CRPPA: variants seen among roughly 807,000 people sequenced by gnomAD.
The protein encoded by CRPPA is D-ribitol-5-phosphate cytidylyltransferase.
CRPPA carries 43 observed loss-of-function variants against 52.0 expected under a neutral mutation model. That is an observed-to-expected ratio of 0.83 (90% CI 0.65 to 1.07). The LOEUF (loss-of-function observed/expected upper bound fraction) is 1.07, where lower values mean the gene tolerates loss of function less well. Ranked by LOEUF, CRPPA falls within the 50% of genes least tolerant of loss-of-function variation. The pLI is 0.00. For synonymous variants in CRPPA, 250 were observed against 203.5 expected (o/e 1.23, Z -1.94); for missense variants, 629 against 551.7 (o/e 1.14, Z -1.40).
At chr7:16,380,835 T>C (rs1787065851) in intron 2 of CRPPA, among the ~76,000 whole-genome samples, 7 of 152,212 alleles carry the variant, frequency 4.6e-5, no homozygotes. Context: ...TCAGTGGTGA[T>C]ATCCCCTTTA....
chr7:16,256,566 T>G (rs140549442), intron 8 of CRPPA, among the ~76,000 whole-genome samples: 5 of 152,108 alleles, frequency 3.3e-5, no homozygotes, highest in African/African-American at 9.7e-5. Context: ...ATACACACCA[T>G]GGAATACTAT....
chr7:16,205,886 T>C (rs1175143369), intron 9 of CRPPA, among the ~76,000 whole-genome samples: 1 of 151,522 alleles, frequency 6.6e-6, no homozygotes, highest in Non-Finnish European at 1.5e-5. Flanking sequence ...AATAAAGGGA[T>C]AAGAGAATTA....
At chr7:16,356,053 GAA>G (rs34122140) in intron 3 of CRPPA, among the ~76,000 whole-genome samples, 2 of 146,918 alleles carry the variant, frequency 1.4e-5, no homozygotes, top group East Asian at 4.0e-4. Context: ...AGTGGAACTG[GAA>G]AAAAAAAAAT....
At chr7:16,403,386 A>G (rs1787875191) in intron 2 of CRPPA, among the ~76,000 whole-genome samples, 1 of 152,112 alleles carries the variant, frequency 6.6e-6, no homozygotes. Flanking sequence ...TCTCTTTACC[A>G]GTTTAAGTTT....
Position 16,087,563 on chromosome 7 carries a change from G to A in CRPPA, c.*4132C>T, listed in dbSNP as rs369915144. On this transcript the variant is annotated 3_prime_UTR_variant, in exon 10 of 10. Transcript: ENST00000407010. ...CAATAATTTATTTACATTTTGTTTT[G>A]TAAAAACAACATATTTAGAATCTTT... 6.6e-6 allele frequency: 1 copy of A among 151,134 alleles called. No homozygotes were observed. The highest frequency in any genetic ancestry group is 1.5e-5 in the Non-Finnish European group (1 of 67,758). The allele number at this position is 151,134 out of a possible 1,614,324, so 9.4% of individuals were successfully genotyped here.
intron 9 of CRPPA, among the ~76,000 whole-genome samples, chr7:16,154,973 CTTTT>C (rs11363510): frequency 2.4e-5 from 3 of 127,008 alleles, no homozygotes; most frequent in Non-Finnish European, 3.3e-5. Flanking sequence ...CTAATTTTTT[CTTTT>C]TTTTTTTTTT....
chr7:16,174,525 T>A (rs2128386090), intron 9 of CRPPA, among the ~76,000 whole-genome samples: 1 of 152,230 alleles, frequency 6.6e-6, no homozygotes, highest in South Asian at 2.1e-4. Context: ...CCACTTCCAA[T>A]TAAAGAATAA....
In CRPPA at chr7:16,292,570, T is replaced by C. The variant is rs372626576; in HGVS notation, c.835+8851A>G. Among the ~76,000 whole-genome samples, 21 of 152,112 alleles carry C rather than the reference T, an allele frequency of 1.4e-4. No individual in the cohort carries two copies. The East Asian group carries it at 2.1e-3, about 15-fold the overall frequency. On this transcript the variant is annotated intron_variant, in intron 5 of 9. Coordinates refer to ENST00000407010, the MANE Select transcript of CRPPA (RefSeq NM_001101426.4). ...AATGTCAGAGTTTTGACTATATCCA[T>C]CCATCTGCCAGACTCCTTTTAAATT...
At chr7:16,200,930 G>C (rs1010882391) in intron 9 of CRPPA, among the ~76,000 whole-genome samples, 6 of 152,014 alleles carry the variant, frequency 3.9e-5, no homozygotes, top group African/African-American at 1.4e-4. Flanking sequence ...AATCCAAAAG[G>C]AGTCCTATTC....
intron 9 of CRPPA, among the ~76,000 whole-genome samples, chr7:16,169,596 GAA>G (rs1443791669): frequency 6.6e-6 from 1 of 152,136 alleles, no homozygotes; most frequent in Non-Finnish European, 1.5e-5. Context: ...TTAAATTCAA[GAA>G]AAAAATATAT....
At chr7:16,286,429 TTCTC>T (rs1331005421) in intron 5 of CRPPA, among the ~76,000 whole-genome samples, 1 of 151,998 alleles carries the variant, frequency 6.6e-6, no homozygotes, top group Non-Finnish European at 1.5e-5. Context: ...TCTTTGGTGT[TTCTC>T]TGTAGAACTT....
At chr7:16,405,999 C>T in intron 2 of CRPPA, 62 bp downstream of exon 2, 3 of 1,440,254 alleles carry the variant, frequency 2.1e-6, no homozygotes, top group Non-Finnish European at 2.8e-6. Flanking sequence ...AATCAAAATT[C>T]AGCAAATGAA....
At chr7:16,228,243 T>C (rs1782702012) in intron 8 of CRPPA, among the ~76,000 whole-genome samples, 1 of 151,892 alleles carries the variant, frequency 6.6e-6, no homozygotes, top group South Asian at 2.1e-4. Context: ...TTTCCAATTT[T>C]TTTAGCCCTT....
At chr7:16,397,129 A>G (rs1583576024) in intron 2 of CRPPA, among the ~76,000 whole-genome samples, 1 of 152,262 alleles carries the variant, frequency 6.6e-6, no homozygotes, top group East Asian at 1.9e-4. Context: ...ACAACTGACA[A>G]GTTAGAGATG....
intron 5 of CRPPA, among the ~76,000 whole-genome samples, chr7:16,282,147 C>T (rs1784334066): frequency 6.6e-6 from 1 of 152,004 alleles, no homozygotes; most frequent in Admixed American, 6.6e-5. Context: ...TGACTCTCTT[C>T]CTTTTTTCTA....
intron 6 of CRPPA, among the ~76,000 whole-genome samples, chr7:16,273,666 C>A (rs1163125515): frequency 1.3e-5 from 2 of 152,134 alleles, no homozygotes; most frequent in Non-Finnish European, 2.9e-5. Flanking sequence ...AACAAGAACT[C>A]TGGTACCAAG....
chr7:16,331,682 G>C (rs780277667), intron 3 of CRPPA, among the ~76,000 whole-genome samples: 1 of 152,110 alleles, frequency 6.6e-6, no homozygotes, highest in Non-Finnish European at 1.5e-5. Context: ...AGAAATGCTA[G>C]AGATCAAAAA....
intron 3 of CRPPA, among the ~76,000 whole-genome samples, chr7:16,365,442 A>T (rs542550813): frequency 6.6e-6 from 1 of 152,318 alleles, no homozygotes; most frequent in Non-Finnish European, 1.5e-5. Context: ...TTGCTAGGGA[A>T]CCTGTGCTGA....
In CRPPA at chr7:16,354,306, C is replaced by T. The variant is rs149556140; in HGVS notation, c.684+21786G>A. On this transcript the variant is annotated intron_variant, in intron 3 of 9. Coordinates refer to ENST00000407010, the MANE Select transcript of CRPPA (RefSeq NM_001101426.4). ...TTCAATATGTAGCTCACTTTTATCA[C>T]GTTATTCTGCTTTGTATTAGCACCA... Among the ~76,000 whole-genome samples the T allele has an allele frequency of 1.6e-4, 25 of 152,166 alleles. 1 individual carries two copies. The East Asian group carries it at 4.4e-3, about 27-fold the overall frequency.
Sources: gnomAD v4.1 joint callset for allele counts (sites outside exome capture counted in the v4.1 genomes callset) on GRCh38, gnomAD v4.1.1 for gene constraint, MANE v1.5 for transcripts, NCBI Gene and HGNC (gene_info 2026-07-23, HGNC 2026-07-21) for gene names.